SLC36A3: variants seen among roughly 807,000 people sequenced by gnomAD.
The protein encoded by SLC36A3 is solute carrier family 36 member 3, also known as proton-coupled amino acid transporter 3.
In SLC36A3, 35 loss-of-function variants were observed where a neutral mutation model predicts 44.3. The observed-to-expected ratio is 0.79, with a 90% CI of 0.60 to 1.05. SLC36A3 has a LOEUF of 1.05. SLC36A3 is among the 50% of genes least tolerant of loss of function. SLC36A3 has a pLI of 0.00. For missense variants in SLC36A3, 540 were observed against 578.7 expected (o/e 0.93, Z 0.69); for synonymous variants, 211 against 227.6 (o/e 0.93, Z 0.66).
chr5:151,293,574 A>G, intron 3 of SLC36A3, 115 bp from the exon 4 acceptor site: 2 of 822,486 alleles, frequency 2.4e-6, no homozygotes, highest in Non-Finnish European at 1.9e-6. Context: ...CCTTCTGTCA[A>G]TTTTCTCCCA....
At chr5:151,296,391 A>T in intron 2 of SLC36A3, 123 bp from the exon 3 acceptor site, 1 of 761,198 alleles carries the variant, frequency 1.3e-6, no homozygotes, top group Non-Finnish European at 2.3e-6. Flanking sequence ...TGACAGACCC[A>T]GCCTGAATGT....
At chr5:151,288,358 C>G (rs754765288) in intron 5 of SLC36A3, 28 bp downstream of exon 5, 20 of 1,549,170 alleles carry the variant, frequency 1.3e-5, no homozygotes, top group Non-Finnish European at 1.7e-5. Context: ...TGCTTTTCCC[C>G]CACTCTGCCC....
intron 1 of SLC36A3, among the ~76,000 whole-genome samples, chr5:151,302,902 A>T (rs543950288): frequency 7.2e-3 from 412 of 57,456 alleles, no homozygotes; most frequent in African/African-American, 0.033. Flanking sequence ...GTGTGAGGAG[A>T]AGAAGGCAGC....
At position 151,287,293 on chromosome 5, in the gene SLC36A3, T is replaced by C. The variant is rs766669955; in HGVS notation, c.661A>G (p.Ile221Val). 4 of 1,614,026 alleles carry C rather than the reference T, an allele frequency of 2.5e-6. No individual in the cohort carries two copies. The highest frequency in any genetic ancestry group is 1.7e-5 in the Admixed American group (1 of 59,998). Reference sequence around the variant, plus strand: ...AGAGCCATGCTCCCAAGGGTGGTGATGTTGGCCAATGTCGAGAAGACGGAC... The same window carrying C: ...AGAGCCATGCTCCCAAGGGTGGTGACGTTGGCCAATGTCGAGAAGACGGAC... ...VLSVFSTLAN[I>V]TTLGSMALIF... Residue 221 changes from isoleucine to valine, a missense_variant, in exon 6 of 10, where the codon ATC becomes GTC. Physicochemically the swap from Ile to Val is conservative, Grantham distance 29. Coordinates refer to ENST00000335230, the MANE Select transcript of SLC36A3 (RefSeq NM_181774.4).
At position 151,303,525 on chromosome 5, in the gene SLC36A3, T is replaced by C. The variant is rs1755237251; in HGVS notation, c.-171A>G. On this transcript the variant is annotated 5_prime_UTR_variant, in exon 1 of 10. Transcript: ENST00000335230. ...AGTGCATGAATCAGGGAAGCGGTGG[T>C]GGCAGGAGAGGCTGATGTTGATGAT... 1.6e-6 allele frequency: 1 copy of C among 622,976 alleles called. No homozygotes were observed. The highest frequency in any genetic ancestry group is 2.9e-5 in the East Asian group (1 of 34,790). 38.6% of individuals were successfully genotyped at this position (622,976 alleles called of 1,614,324 possible). A position where few individuals can be genotyped will look rare whatever the true frequency, so the allele number is the denominator to read the frequency against.
intron 2 of SLC36A3, chr5:151,298,382 T>C (rs1239782356): frequency 3.8e-6 from 2 of 526,998 alleles, no homozygotes; most frequent in Non-Finnish European, 6.8e-6. Context: ...CAGATGAGCA[T>C]GGTGAGTCTT....
chr5:151,277,817 G>A (rs13156018), intron 9 of SLC36A3, among the ~76,000 whole-genome samples, 156 bp from the exon 10 acceptor site: 10 of 152,188 alleles, frequency 6.6e-5, no homozygotes, highest in Non-Finnish European at 1.5e-4. Context: ...TCCCACCCCT[G>A]TCTTAACTAG....
intron 4 of SLC36A3, 94 bp from the exon 5 acceptor site, chr5:151,288,564 A>G (rs930076241): frequency 1.8e-5 from 19 of 1,047,870 alleles, no homozygotes; most frequent in Non-Finnish European, 7.8e-6. Context: ...TATTTTTGTT[A>G]TTATTTTTAA....
chr5:151,279,367 G>A (rs1206756723), intron 9 of SLC36A3, among the ~76,000 whole-genome samples: 1 of 152,106 alleles, frequency 6.6e-6, no homozygotes, highest in Non-Finnish European at 1.5e-5. Context: ...TGTGAAGGCA[G>A]AAGCTACATC....
rs777297743 is a variant in SLC36A3 at position 151,277,489 on chromosome 5, GC to G, written c.1316del (p.Gly439AlafsTer3). 1 of 1,614,098 alleles carries G rather than the reference GC, an allele frequency of 6.2e-7. No individual in the cohort carries two copies. Among genetic ancestry groups the G allele is most frequent in the Non-Finnish European group, 8.5e-7 (1 of 1,180,018 alleles). On this transcript the variant is annotated frameshift_variant, in exon 10 of 10. Coordinates refer to ENST00000335230, the MANE Select transcript of SLC36A3 (RefSeq NM_181774.4). LOFTEE classifies it low-confidence loss of function (END_TRUNC). The stretch of plus-strand genomic sequence containing the variant: ...ATGTCCCAAATATACACCCTAAAAG[GC>G]CCACGATGCTAATCATGATGTCCTT... ...IAKDIMISIV[G>X]LLGCIFGTYQ... is the part of the protein sequence containing the mutation.
intron 3 of SLC36A3, among the ~76,000 whole-genome samples, chr5:151,294,143 C>A (rs1359230810): frequency 6.6e-6 from 1 of 152,188 alleles, no homozygotes; most frequent in African/African-American, 2.4e-5. Flanking sequence ...CCCAACATGA[C>A]CCTCAGGTAG....
chr5:151,287,022 T>TGAG (rs1561632201), intron 6 of SLC36A3, among the ~76,000 whole-genome samples: 1 of 145,252 alleles, frequency 6.9e-6, no homozygotes, highest in African/African-American at 2.7e-5. Flanking sequence ...TTATCCAATG[T>TGAG]GACGATGATG....
intron 4 of SLC36A3, among the ~76,000 whole-genome samples, chr5:151,291,059 T>C (rs1460773456): frequency 6.6e-6 from 1 of 151,888 alleles, no homozygotes; most frequent in Non-Finnish European, 1.5e-5. Flanking sequence ...CATGGCTCAC[T>C]GCAGCCTCAA....
chr5:151,282,467 TG>T (rs1754363777), intron 8 of SLC36A3, among the ~76,000 whole-genome samples: 1 of 152,136 alleles, frequency 6.6e-6, no homozygotes, highest in Admixed American at 6.5e-5. Context: ...CACGCCTGGC[TG>T]TCTCACCCAG....
intron 9 of SLC36A3, 64 bp from the exon 10 acceptor site, chr5:151,277,725 C>A (rs1754149550): frequency 1.0e-5 from 16 of 1,548,068 alleles, no homozygotes; most frequent in Admixed American, 1.9e-5. Flanking sequence ...TGCTTTGGAG[C>A]CCTAGAATTT....
chr5:151,276,876 A>G lies in SLC36A3; in HGVS notation c.*517T>C, dbSNP rs1340499281. On this transcript the variant is annotated 3_prime_UTR_variant, in exon 10 of 10. Coordinates refer to ENST00000335230, the MANE Select transcript of SLC36A3 (RefSeq NM_181774.4). ...CTTCATAGACTGAGAGATGGGGAGG[A>G]ACTTGCCTGAGGGCCAGTAGGAAAT... The G allele has an allele frequency of 6.4e-6, 1 of 157,240 alleles. No homozygotes were observed. Among genetic ancestry groups the G allele is most frequent in the Non-Finnish European group, 1.4e-5 (1 of 70,798 alleles). The allele number at this position is 157,240 out of a possible 1,614,324, so 9.7% of individuals were successfully genotyped here.
intron 1 of SLC36A3, among the ~76,000 whole-genome samples, chr5:151,301,601 T>C (rs1313933022): frequency 6.6e-6 from 1 of 152,006 alleles, no homozygotes; most frequent in South Asian, 2.1e-4. Context: ...AAATTATCTT[T>C]AAAAACTCTA....
Position 151,303,552 on chromosome 5 carries a change from C to T in SLC36A3, c.-198G>A, listed in dbSNP as rs1755237762. ...GCAGGAGAGGCTGATGTTGATGATG[C>T]CTCACCTGGCTCTTGGGGGACTTAT... On this transcript the variant is annotated 5_prime_UTR_variant, in exon 1 of 10. Transcript: ENST00000335230. 2.0e-6 allele frequency: 1 copy of T among 507,982 alleles called. No individual in the cohort carries two copies. The highest frequency in any genetic ancestry group is 3.4e-6 in the Non-Finnish European group (1 of 290,040). 31.5% of individuals were successfully genotyped at this position (507,982 alleles called of 1,614,324 possible).
intron 1 of SLC36A3, among the ~76,000 whole-genome samples, chr5:151,302,033 G>T (rs773174903): frequency 5.9e-5 from 9 of 152,076 alleles, no homozygotes; most frequent in Admixed American, 3.3e-4. Context: ...AAGATAAAAC[G>T]CAATAATCCA....
Sources: allele counts gnomAD v4.1 joint callset (sites outside exome capture counted in the v4.1 genomes callset), GRCh38; gene constraint gnomAD v4.1.1; transcripts MANE v1.5; gene names NCBI Gene and HGNC (gene_info 2026-07-23, HGNC 2026-07-21).